The following WASHC3 variants were observed in gnomAD, a reference collection of about 807,000 sequenced individuals.
WASHC3 encodes WASH complex subunit 3.
In WASHC3, 24 loss-of-function variants were observed where a neutral mutation model predicts 26.1. The observed-to-expected ratio is 0.92, with a 90% confidence interval of 0.66 to 1.29. The LOEUF (loss-of-function observed/expected upper bound fraction) is 1.29, where lower values mean the gene tolerates loss of function less well. WASHC3 is among the 50% of genes most tolerant of loss of function. WASHC3 has a pLI of 0.00. For missense variants in WASHC3, 214 were observed against 229.6 expected (o/e 0.93, Z 0.44); for synonymous variants, 77 against 75.7 (o/e 1.02, Z -0.09).
At chr12:102,048,838 T>A (rs1392437353) in intron 2 of WASHC3, among the ~76,000 whole-genome samples, 1 of 152,180 alleles carries the variant, frequency 6.6e-6, no homozygotes, top group Non-Finnish European at 1.5e-5. Context: ...CTGAAAACAT[T>A]AATTTGGTTT....
At chr12:102,017,607 C>T in intron 6 of WASHC3, 1 of 273,712 alleles carries the variant, frequency 3.7e-6, no homozygotes, top group South Asian at 3.3e-5. Context: ...CACTGGGGTG[C>T]AACAGTAGAT....
At chr12:102,040,834 ATC>A (rs1206523153) in intron 4 of WASHC3, among the ~76,000 whole-genome samples, 2 of 152,148 alleles carry the variant, frequency 1.3e-5, no homozygotes, top group Admixed American at 1.3e-4. Context: ...ACTTTGGTGA[ATC>A]TCTCTCATTA....
chr12:102,049,328 CAT>C (rs1878296858), intron 2 of WASHC3, among the ~76,000 whole-genome samples: 1 of 152,196 alleles, frequency 6.6e-6, no homozygotes, highest in Non-Finnish European at 1.5e-5. Flanking sequence ...ACATAAGTAA[CAT>C]AATCGGTGAC....
intron 6 of WASHC3, among the ~76,000 whole-genome samples, chr12:102,021,391 C>A (rs867243961): frequency 5.9e-5 from 9 of 152,202 alleles, no homozygotes; most frequent in Middle Eastern, 3.2e-3. Flanking sequence ...TGCTCTTGAT[C>A]TTGGGATCCT....
At chr12:102,021,867 G>A (rs1411918936) in intron 6 of WASHC3, among the ~76,000 whole-genome samples, 1 of 152,080 alleles carries the variant, frequency 6.6e-6, no homozygotes, top group East Asian at 1.9e-4. Context: ...GTATCCTTTT[G>A]TTTAACAATA....
intron 6 of WASHC3, among the ~76,000 whole-genome samples, chr12:102,017,131 A>G (rs1172133027): frequency 6.6e-6 from 1 of 152,110 alleles, no homozygotes; most frequent in Non-Finnish European, 1.5e-5. Flanking sequence ...TACTTTTTCT[A>G]TGTTTAGATA....
At chr12:102,053,681 A>G (rs1401914558) in intron 2 of WASHC3, among the ~76,000 whole-genome samples, 2 of 152,234 alleles carry the variant, frequency 1.3e-5, no homozygotes, top group African/African-American at 4.8e-5. Flanking sequence ...AAACAATTCA[A>G]TGAAATCAAG....
At chr12:102,049,801 C>T (rs11111143) in intron 2 of WASHC3, among the ~76,000 whole-genome samples, 3,970 of 152,122 alleles carry the variant, frequency 0.026, 168 homozygotes, top group African/African-American at 0.092. Context: ...TACTTAAGCC[C>T]AGCAGTGGTT....
At chr12:102,039,138 T>G (rs976023549) in intron 5 of WASHC3, among the ~76,000 whole-genome samples, 13 of 147,430 alleles carry the variant, frequency 8.8e-5, no homozygotes, top group African/African-American at 2.8e-4. Flanking sequence ...GTTTTTTTTT[T>G]TTTTTTTTTT....
chr12:102,056,419 G>T (rs1878595507), intron 2 of WASHC3, among the ~76,000 whole-genome samples: 1 of 152,096 alleles, frequency 6.6e-6, no homozygotes, highest in African/African-American at 2.4e-5. Flanking sequence ...GCATTCCTAG[G>T]GATAAAAAAG....
chr12:102,013,077 C>A lies in WASHC3; in HGVS notation c.*31G>T, dbSNP rs1305982337. 3 of 929,302 alleles carry A rather than the reference C, an allele frequency of 3.2e-6. No homozygotes were observed. The highest frequency in any genetic ancestry group is 3.4e-6 in the Non-Finnish European group (2 of 588,120). 57.6% of individuals were successfully genotyped at this position (929,302 alleles called of 1,614,324 possible). On this transcript the variant is annotated 3_prime_UTR_variant, in exon 7 of 7. Transcript: ENST00000240079. ...TACAGAATGTAAATGTACCCCTATG[C>A]ATGCATATGTAATTCTTATCAAAAT...
intron 6 of WASHC3, among the ~76,000 whole-genome samples, chr12:102,014,075 CTTTTT>C (rs1189181874): frequency 4.5e-5 from 4 of 88,724 alleles, no homozygotes; most frequent in South Asian, 4.4e-4. Flanking sequence ...ACTGCTACAT[CTTTTT>C]TTTTTTTTTT....
chr12:102,028,619 T>C (rs1877299008), intron 5 of WASHC3, among the ~76,000 whole-genome samples: 1 of 151,712 alleles, frequency 6.6e-6, no homozygotes, highest in African/African-American at 2.4e-5. Context: ...TCCTAAAATA[T>C]AGCAAAGAAA....
chr12:102,041,975 G>A, intron 4 of WASHC3, among the ~76,000 whole-genome samples: 1 of 151,986 alleles, frequency 6.6e-6, no homozygotes, highest in South Asian at 2.1e-4. Flanking sequence ...AAACACAACT[G>A]CATAAGAATT....
At chr12:102,062,026 C>T (rs1878837215), upstream of WASHC3, 1 of 1,408,524 alleles carries the variant, frequency 7.1e-7, no homozygotes, top group Non-Finnish European at 9.8e-7. Flanking sequence ...GCCCGCCCAA[C>T]CCGGTAATCA....
intron 5 of WASHC3, among the ~76,000 whole-genome samples, chr12:102,034,781 A>AGT (rs60815635): frequency 0.081 from 11,781 of 145,982 alleles, 720 homozygotes; most frequent in African/African-American, 0.18. Flanking sequence ...CCTAAAAAAA[A>AGT]GTGTGTGTGT....
At chr12:102,055,375 T>G (rs1292324504) in intron 2 of WASHC3, among the ~76,000 whole-genome samples, 1 of 152,204 alleles carries the variant, frequency 6.6e-6, no homozygotes, top group Non-Finnish European at 1.5e-5. Flanking sequence ...AGATGGAGTC[T>G]TGCTCTGTCA....
chr12:102,019,027 G>A (rs928692124), intron 6 of WASHC3, among the ~76,000 whole-genome samples: 2 of 152,236 alleles, frequency 1.3e-5, no homozygotes, highest in South Asian at 2.1e-4. Flanking sequence ...TCGAATTCCT[G>A]ACCTCAGGTG....
At chr12:102,030,564 A>G (rs1010941214) in intron 5 of WASHC3, among the ~76,000 whole-genome samples, 6 of 152,328 alleles carry the variant, frequency 3.9e-5, no homozygotes, top group Non-Finnish European at 5.9e-5. Flanking sequence ...TGACCTATAC[A>G]GATCTAGAAA....
Sources: gnomAD v4.1 joint callset for allele counts (sites outside exome capture counted in the v4.1 genomes callset) on GRCh38, gnomAD v4.1.1 for gene constraint, MANE v1.5 for transcripts, NCBI Gene and HGNC (gene_info 2026-07-23, HGNC 2026-07-21) for gene names.